The following PDE4B variants were observed in gnomAD, a reference collection of about 807,000 sequenced individuals.
PDE4B encodes the protein 3',5'-cyclic-AMP phosphodiesterase 4B.
In PDE4B, 20 loss-of-function variants were observed where a neutral mutation model predicts 82.2. The observed-to-expected ratio is 0.24, with a 90% CI of 0.17 to 0.35. The LOEUF (loss-of-function observed/expected upper bound fraction) is 0.35, where lower values mean the gene tolerates loss of function less well. Among genes scored for constraint, PDE4B ranks in the 10% least tolerant of loss-of-function variants. PDE4B has a pLI of 1.00. For missense variants in PDE4B, 655 were observed against 907.2 expected, an observed-to-expected ratio of 0.72 and a Z score of 3.57; for synonymous variants, 320 against 318.9, an observed-to-expected ratio of 1.00 and a Z score of -0.04.
chr1:65,803,878 C>G (rs1045445996), intron 1 of PDE4B, among the ~76,000 whole-genome samples: 1 of 152,094 alleles, frequency 6.6e-6, no homozygotes, highest in Admixed American at 6.5e-5. Flanking sequence ...GAAGTTGTTC[C>G]TTATTTCTAA....
chr1:65,813,500 G>T (rs1449148779), intron 1 of PDE4B, among the ~76,000 whole-genome samples: 1 of 152,128 alleles, frequency 6.6e-6, no homozygotes, highest in Non-Finnish European at 1.5e-5. Flanking sequence ...TCAGGAAAAA[G>T]CCAGATCAGA....
At chr1:66,216,531 A>G (rs1225107892) in intron 3 of PDE4B, among the ~76,000 whole-genome samples, 6 of 152,162 alleles carry the variant, frequency 3.9e-5, no homozygotes, top group Non-Finnish European at 5.9e-5. Flanking sequence ...ACTCATTTTC[A>G]GTAGACCTAG....
chr1:66,300,056 A>C (rs1299429156), intron 7 of PDE4B, among the ~76,000 whole-genome samples: 2 of 152,192 alleles, frequency 1.3e-5, no homozygotes, highest in African/African-American at 4.8e-5. Context: ...ACAGACATCT[A>C]GGGGAATGTC....
At chr1:65,796,417 T>C (rs1401830766) in intron 1 of PDE4B, among the ~76,000 whole-genome samples, 1 of 150,678 alleles carries the variant, frequency 6.6e-6, no homozygotes, top group Admixed American at 6.6e-5. Flanking sequence ...CATTTTTTTT[T>C]CTGGTATTTT....
chr1:65,960,491 A>G (rs1649491880), intron 3 of PDE4B, among the ~76,000 whole-genome samples: 1 of 152,132 alleles, frequency 6.6e-6, no homozygotes, highest in Non-Finnish European at 1.5e-5. Context: ...ACATCACTTT[A>G]GGAGTCAGAC....
intron 1 of PDE4B, among the ~76,000 whole-genome samples, chr1:65,851,744 T>C (rs1390739712): frequency 6.6e-6 from 1 of 151,904 alleles, no homozygotes; most frequent in African/African-American, 2.4e-5. Context: ...TTAAAGGAGG[T>C]CTGTCTTTCT....
intron 3 of PDE4B, 139 bp from the exon 4 acceptor site, chr1:66,247,321 A>C: frequency 2.0e-6 from 1 of 508,882 alleles, no homozygotes. Context: ...TGTGTTGAGG[A>C]TGAAAACTTT....
At chr1:65,799,117 C>T (rs1044215754) in intron 1 of PDE4B, among the ~76,000 whole-genome samples, 3 of 152,130 alleles carry the variant, frequency 2.0e-5, no homozygotes, top group Non-Finnish European at 4.4e-5. Flanking sequence ...CCTAGTATAT[C>T]ACAGTGCTGA....
intron 8 of PDE4B, among the ~76,000 whole-genome samples, chr1:66,350,900 A>C (rs1269352749): frequency 6.6e-6 from 1 of 152,192 alleles, no homozygotes; most frequent in Non-Finnish European, 1.5e-5. Context: ...TGTTCCTATC[A>C]AGTGTAATTG....
At chr1:65,977,042 C>G (rs545128588) in intron 3 of PDE4B, among the ~76,000 whole-genome samples, 61 of 152,202 alleles carry the variant, frequency 4.0e-4, no homozygotes, top group Non-Finnish European at 7.3e-4. Flanking sequence ...ACTATGTTAA[C>G]TGAAGCTACC....
chr1:66,234,403 T>C (rs140133106), intron 3 of PDE4B, among the ~76,000 whole-genome samples: 183 of 152,186 alleles, frequency 1.2e-3, no homozygotes, highest in African/African-American at 3.9e-3. Flanking sequence ...ATTCTCCCGC[T>C]TCAGCCTCCC....
chr1:66,129,708 A>C (rs1044502209), intron 3 of PDE4B, among the ~76,000 whole-genome samples: 9 of 136,624 alleles, frequency 6.6e-5, no homozygotes, highest in Non-Finnish European at 1.3e-4. Context: ...AAAAAAAAAA[A>C]CCTCTCTGTA....
intron 7 of PDE4B, chr1:66,331,759 A>G (rs1279572438): frequency 7.1e-6 from 7 of 985,312 alleles, no homozygotes; most frequent in Non-Finnish European, 8.4e-6. Context: ...GTTTAGTATA[A>G]CAAGAGCTGC....
chr1:66,225,052 C>T (rs1416844063), intron 3 of PDE4B, among the ~76,000 whole-genome samples: 1 of 152,222 alleles, frequency 6.6e-6, no homozygotes, highest in Non-Finnish European at 1.5e-5. Context: ...CTGGACACCA[C>T]TTCACCTTGG....
intron 3 of PDE4B, among the ~76,000 whole-genome samples, chr1:66,055,286 C>T (rs140511156): frequency 5.9e-5 from 9 of 152,280 alleles, no homozygotes; most frequent in South Asian, 2.1e-4. Context: ...AGCATGTTTG[C>T]GTAACGCTTA....
chr1:66,194,676 T>A (rs1354038322), intron 3 of PDE4B, among the ~76,000 whole-genome samples: 1 of 152,154 alleles, frequency 6.6e-6, no homozygotes, highest in Non-Finnish European at 1.5e-5. Context: ...ATATTCTAAT[T>A]TCTAAGGTTT....
chr1:66,304,221 A>G (rs1658109030), intron 7 of PDE4B, among the ~76,000 whole-genome samples: 1 of 152,128 alleles, frequency 6.6e-6, no homozygotes, highest in Non-Finnish European at 1.5e-5. Context: ...AGAGTTTGAC[A>G]AGAGATAAAC....
chr1:66,038,052 A>G (rs1348945626), intron 3 of PDE4B, among the ~76,000 whole-genome samples: 3 of 150,376 alleles, frequency 2.0e-5, no homozygotes, highest in Non-Finnish European at 4.4e-5. Flanking sequence ...CCATGAGGTC[A>G]TAAGTACAGG....
At chr1:66,292,661 GA>G (rs1657170390) in intron 7 of PDE4B, among the ~76,000 whole-genome samples, 1 of 152,092 alleles carries the variant, frequency 6.6e-6, no homozygotes, top group South Asian at 2.1e-4. Context: ...CCATGATTTT[GA>G]TCACTGTAAT....
Sources: gnomAD v4.1 joint callset for allele counts (sites outside exome capture counted in the v4.1 genomes callset) on GRCh38, gnomAD v4.1.1 for gene constraint, MANE v1.5 for transcripts, NCBI Gene and HGNC (gene_info 2026-07-23, HGNC 2026-07-21) for gene names.